GIPC2: variants seen among roughly 807,000 people sequenced by gnomAD.
The protein encoded by GIPC2 is PDZ domain-containing protein GIPC2.
GIPC2 carries 30 observed loss-of-function variants against 30.6 expected under a neutral mutation model. The observed-to-expected ratio is 0.98, with a 90% CI of 0.73 to 1.33. The LOEUF (loss-of-function observed/expected upper bound fraction) is 1.33, where lower values mean the gene tolerates loss of function less well. Ranked by LOEUF, GIPC2 falls within the 40% of genes most tolerant of loss-of-function variation. GIPC2 has a pLI of 0.00. For synonymous variants in GIPC2, 167 were observed against 150.0 expected (o/e 1.11, Z -0.83); for missense variants, 414 against 390.3 (o/e 1.06, Z -0.51).
At chr1:78,091,502 G>T in intron 2 of GIPC2, 1 of 715,676 alleles carries the variant, frequency 1.4e-6, no homozygotes, top group Non-Finnish European at 2.6e-6. Flanking sequence ...TGCGCTAATG[G>T]CTCCCAAAGG....
intron 5 of GIPC2, among the ~76,000 whole-genome samples, chr1:78,128,734 G>C (rs1001306905): frequency 5.9e-5 from 9 of 152,018 alleles, no homozygotes; most frequent in Admixed American, 1.3e-4. Context: ...TACATATTTG[G>C]CTTGAGGCCC....
intron 2 of GIPC2, among the ~76,000 whole-genome samples, chr1:78,093,440 A>T (rs1406622787): frequency 2.6e-5 from 4 of 152,360 alleles, no homozygotes; most frequent in African/African-American, 9.6e-5. Flanking sequence ...CATTATTGTG[A>T]CATTTGCATA....
chr1:78,080,961 G>A lies in GIPC2; in HGVS notation c.426+101G>A, dbSNP rs78938072. 5.2e-3 allele frequency: 2,906 copies of A among 560,014 alleles called. 75 individuals are homozygous for A. The highest frequency in any genetic ancestry group is 0.052 in the African/African-American group (2,661 of 51,482). The allele number at this position is 560,014 out of a possible 1,614,324, so 34.7% of individuals were successfully genotyped here. ...GAAATGATCTTCAGAGTGAGAGCCC[G>A]CTCAGCAAGGATGCATGAATTGGTA... is the stretch of plus-strand genomic sequence containing the variant. On this transcript the variant is annotated intron_variant, in intron 2 of 5. Coordinates refer to ENST00000370759, the MANE Select transcript of GIPC2 (RefSeq NM_017655.6).
chr1:78,128,998 C>A (rs1373999332), intron 5 of GIPC2, among the ~76,000 whole-genome samples: 1 of 111,434 alleles, frequency 9.0e-6, no homozygotes, highest in African/African-American at 2.7e-5. Context: ...GAGTGAGACC[C>A]TGTCTCTAAA....
chr1:78,084,644 T>A (rs1661893877), intron 2 of GIPC2, among the ~76,000 whole-genome samples: 1 of 152,180 alleles, frequency 6.6e-6, no homozygotes, highest in South Asian at 2.1e-4. Context: ...ATTGTAGAGA[T>A]CTTTCACCTT....
intron 4 of GIPC2, among the ~76,000 whole-genome samples, chr1:78,123,802 C>T (rs1259704825): frequency 3.9e-5 from 6 of 152,268 alleles, no homozygotes; most frequent in South Asian, 2.1e-4. Flanking sequence ...TAACTTAAAA[C>T]GTGCCTGGAT....
chr1:78,067,183 G>A (rs546690610), intron 1 of GIPC2, among the ~76,000 whole-genome samples: 7 of 152,240 alleles, frequency 4.6e-5, no homozygotes, highest in Admixed American at 4.6e-4. Context: ...GAATGATAGG[G>A]AAGCATAGGG....
intron 3 of GIPC2, among the ~76,000 whole-genome samples, chr1:78,101,310 G>C (rs967126618): frequency 6.6e-6 from 1 of 152,150 alleles, no homozygotes; most frequent in Admixed American, 6.5e-5. Flanking sequence ...AGGAATAAAG[G>C]CCATTAGAAA....
In GIPC2 at chr1:78,135,753, T is replaced by C. The variant is rs1662990568; in HGVS notation, c.*10T>C. 6.3e-7 allele frequency: 1 copy of C among 1,598,980 alleles called. No homozygotes were observed. Among genetic ancestry groups the C allele is most frequent in the Non-Finnish European group, 8.5e-7 (1 of 1,174,770 alleles). ...ACGAAGAGGATTATGATGTGTACAC[T>C]CCATCTCTGAAGAAACAACCCATCG... On this transcript the variant is annotated 3_prime_UTR_variant, in exon 6 of 6. Transcript: ENST00000370759.
chr1:78,084,982 G>A (rs1394759457), intron 2 of GIPC2, among the ~76,000 whole-genome samples: 1 of 152,160 alleles, frequency 6.6e-6, no homozygotes, highest in African/African-American at 2.4e-5. Flanking sequence ...ATGTTAAGTA[G>A]GAGTGGTGAG....
intron 1 of GIPC2, among the ~76,000 whole-genome samples, chr1:78,055,398 G>A (rs1162308490): frequency 2.0e-5 from 3 of 152,138 alleles, no homozygotes; most frequent in Non-Finnish European, 4.4e-5. Context: ...AGGAAGCTTA[G>A]GACAGCTTCT....
intron 2 of GIPC2, chr1:78,088,926 T>C (rs957791682): frequency 1.3e-5 from 2 of 152,168 alleles, no homozygotes; most frequent in African/African-American, 2.4e-5. Flanking sequence ...CCACACTCCT[T>C]AGAGATAACC....
chr1:78,116,294 A>T (rs934480812), intron 3 of GIPC2, among the ~76,000 whole-genome samples: 1 of 152,184 alleles, frequency 6.6e-6, no homozygotes, highest in Admixed American at 6.5e-5. Context: ...GATTATGGGG[A>T]TAACCATTCA....
At position 78,047,981 on chromosome 1, in the gene GIPC2, G is replaced by T. The variant is rs75005463; in HGVS notation, c.240+1647G>T. The stretch of plus-strand genomic sequence containing the variant: ...TTTAAATGTCTTTGCTGTAACCAGG[G>T]ACTTCAGTTTTAGTTACAGATGGTC... On this transcript the variant is annotated intron_variant, in intron 1 of 5. Transcript: ENST00000370759. 2.6e-5 allele frequency among the ~76,000 whole-genome samples: 4 copies of T among 152,152 alleles called. No individual in the cohort carries two copies. The East Asian group carries it at 7.7e-4, about 29-fold the overall frequency.
intron 4 of GIPC2, among the ~76,000 whole-genome samples, chr1:78,120,318 C>A (rs543757593): frequency 6.6e-6 from 1 of 152,300 alleles, no homozygotes; most frequent in Admixed American, 6.5e-5. Flanking sequence ...CCAGGTGTAT[C>A]CCCATCTCAG....
In GIPC2 at chr1:78,095,037, TTGGG is replaced by T; in HGVS notation, c.516_519del (p.Trp173ValfsTer9). On this transcript the variant is annotated frameshift_variant, in exon 3 of 6. Transcript: ENST00000370759. LOFTEE classifies it high-confidence loss of function. The stretch of plus-strand genomic sequence containing the variant: ...GAATCCATAAATGGAGAAAATATTG[TTGGG>T]TGGCGTCACTATGATGTTGCTAAGA... 1 of 1,606,032 alleles carries T rather than the reference TTGGG, an allele frequency of 6.2e-7. No individual in the cohort carries two copies. The highest frequency in any genetic ancestry group is 1.1e-5 in the South Asian group (1 of 90,884).
At chr1:78,049,584 A>T (rs1661156982) in intron 1 of GIPC2, among the ~76,000 whole-genome samples, 1 of 152,190 alleles carries the variant, frequency 6.6e-6, no homozygotes, top group African/African-American at 2.4e-5. Flanking sequence ...ATAGCACTAC[A>T]TGAAGAGCTA....
chr1:78,070,114 A>G (rs762420637), intron 1 of GIPC2, among the ~76,000 whole-genome samples: 1 of 152,214 alleles, frequency 6.6e-6, no homozygotes, highest in Non-Finnish European at 1.5e-5. Flanking sequence ...ACTTCTGCCA[A>G]ACAAATTTTA....
chr1:78,121,323 G>A lies in GIPC2; in HGVS notation c.714+1824G>A, dbSNP rs532129789. 1.6e-4 allele frequency among the ~76,000 whole-genome samples: 24 copies of A among 152,264 alleles called. No individual in the cohort carries two copies. The South Asian group carries it at 3.9e-3, about 25-fold the overall frequency. Reference sequence around the variant, plus strand: ...GTGACTGATGCCTGTGAGCTCGGGGGGGCAGGGGCAAGGCTCTGGGCCCTT... The same window carrying A: ...GTGACTGATGCCTGTGAGCTCGGGGAGGCAGGGGCAAGGCTCTGGGCCCTT... On this transcript the variant is annotated intron_variant, in intron 4 of 5. Coordinates refer to ENST00000370759, the MANE Select transcript of GIPC2 (RefSeq NM_017655.6).
Sources: gnomAD v4.1 joint callset for allele counts (sites outside exome capture counted in the v4.1 genomes callset) on GRCh38, gnomAD v4.1.1 for gene constraint, MANE v1.5 for transcripts, NCBI Gene and HGNC (gene_info 2026-07-23, HGNC 2026-07-21) for gene names.